The following ITGA9 variants were observed in gnomAD, a reference collection of about 807,000 sequenced individuals.
The protein encoded by ITGA9 is integrin subunit alpha 9.
A neutral mutation model predicts 127.8 loss-of-function variants in ITGA9; 56 were observed. The observed-to-expected ratio is 0.44, with a 90% CI of 0.35 to 0.55. The LOEUF (loss-of-function observed/expected upper bound fraction) is 0.55. Ranked by LOEUF, ITGA9 falls within the 20% of genes least tolerant of loss-of-function variation. ITGA9 has a pLI of 0.00. For missense variants in ITGA9, 1,196 were observed against 1,347.1 expected (o/e 0.89, Z 1.76); for synonymous variants, 508 against 514.5 (o/e 0.99, Z 0.17).
chr3:37,503,343 A>G, intron 6 of ITGA9, 36 bp downstream of exon 6: 1 of 1,610,862 alleles, frequency 6.2e-7, no homozygotes, highest in Non-Finnish European at 8.5e-7. Flanking sequence ...AAGAAAGGGG[A>G]AATGGGAGTG....
At chr3:37,575,072 A>G (rs1286111423) in intron 15 of ITGA9, among the ~76,000 whole-genome samples, 1 of 152,158 alleles carries the variant, frequency 6.6e-6, no homozygotes, top group Non-Finnish European at 1.5e-5. Context: ...GTGTTTGATG[A>G]TAAAATGGTG....
In ITGA9 at chr3:37,525,909, CG is replaced by C. The variant is rs1699088149; in HGVS notation, c.1328-116del. On this transcript the variant is annotated intron_variant, in intron 12 of 27. Transcript: ENST00000264741. ...ATCATTGTATAGCCCAGACAGTGGT[CG>C]TCTGAGGGCTCTCCGGCCTCAAGGC... 6.1e-6 allele frequency: 5 copies of C among 814,960 alleles called. No individual in the cohort carries two copies. In the South Asian group the frequency reaches 6.8e-5, roughly 11 times the overall value. 50.5% of individuals were successfully genotyped at this position (814,960 alleles called of 1,614,324 possible). A position where few individuals can be genotyped will look rare whatever the true frequency, so the allele number is the denominator to read the frequency against.
In ITGA9 at chr3:37,744,001, G is replaced by A; in HGVS notation, c.2400G>A (p.Glu800=). The A allele has an allele frequency of 6.2e-7, 1 of 1,614,078 alleles. No individual in the cohort carries two copies. The highest frequency in any genetic ancestry group is 8.5e-7 in the Non-Finnish European group (1 of 1,179,922). ...ACTTCATTCAGCTGGATGACCTGGA[G>A]TGTCACTTTCAGCCCATCAATATCA... is the stretch of plus-strand genomic sequence containing the variant. ...AANFIQLDDL[E]CHFQPINITL... Residue 800 remains glutamate (E), a synonymous_variant, in exon 22 of 28, where the codon GAG becomes GAA. Transcript: ENST00000264741.
At chr3:37,474,693 C>T (rs2162683) in intron 3 of ITGA9, among the ~76,000 whole-genome samples, 41,479 of 152,104 alleles carry the variant, frequency 0.27, 6,160 homozygotes, top group Middle Eastern at 0.35. Flanking sequence ...AGAAGCTGTA[C>T]GAAGATTTTT....
At chr3:37,654,161 A>G (rs2125647686) in intron 17 of ITGA9, among the ~76,000 whole-genome samples, 1 of 151,108 alleles carries the variant, frequency 6.6e-6, no homozygotes, top group East Asian at 2.0e-4. Context: ...TCATCCTATT[A>G]TTAAATAAAG....
intron 23 of ITGA9, among the ~76,000 whole-genome samples, chr3:37,764,410 C>A (rs986965802): frequency 1.5e-5 from 2 of 137,308 alleles, no homozygotes; most frequent in African/African-American, 5.4e-5. Flanking sequence ...TCTACACCAA[C>A]TTCTAGTCCT....
chr3:37,629,291 A>T lies in ITGA9; in HGVS notation c.1794A>T (p.Pro598=), dbSNP rs547531065. The T allele has an allele frequency of 1.2e-6, 2 of 1,614,140 alleles. No homozygotes were observed. Among genetic ancestry groups the T allele is most frequent in the East Asian group, 2.2e-5 (1 of 44,882 alleles). Residue 598 remains proline, a synonymous_variant, in exon 16 of 28, where the codon CCA becomes CCT. Transcript: ENST00000264741. The surrounding 1 kb of genome is among the most constrained non-coding windows in gnomAD (Gnocchi z 4.5). ...EEERELPPLT[P]VLRWKKGQKI... ...AGAGGGAACTGCCGCCTCTGACACC[A>T]GTTCTCCGCTGGAAAAAGGGACAAA...
intron 23 of ITGA9, among the ~76,000 whole-genome samples, chr3:37,766,528 A>G (rs1044885179): frequency 2.0e-5 from 3 of 152,196 alleles, no homozygotes; most frequent in Non-Finnish European, 4.4e-5. Flanking sequence ...ACCCTTTGAT[A>G]AAAGGGAACT....
chr3:37,752,046 C>A (rs17036895), intron 23 of ITGA9, among the ~76,000 whole-genome samples: 6,432 of 152,258 alleles, frequency 0.042, 385 homozygotes, highest in African/African-American at 0.13. Context: ...AGCATAAAAG[C>A]GAGTGCATGA....
chr3:37,763,921 A>G lies in ITGA9; in HGVS notation c.2541+13352A>G, dbSNP rs111242297. On this transcript the variant is annotated intron_variant, in intron 23 of 27. Transcript: ENST00000264741. ...TGAGAGGTTCCTTCTAACAAGGATT[A>G]GAAACCCCTCTCATGTAGGAAGAGG... is the stretch of plus-strand genomic sequence containing the variant. Among the ~76,000 whole-genome samples the G allele has an allele frequency of 2.7e-3, 412 of 152,334 alleles. 3 individuals carry two copies. Among genetic ancestry groups the G allele is most frequent in the African/African-American group, 9.3e-3 (388 of 41,562 alleles).
intron 1 of ITGA9, among the ~76,000 whole-genome samples, chr3:37,459,685 G>A (rs773088394): frequency 5.5e-4 from 83 of 152,184 alleles, no homozygotes; most frequent in South Asian, 4.1e-4. Flanking sequence ...AAGTTACATG[G>A]CTAATGAGTT....
intron 15 of ITGA9, among the ~76,000 whole-genome samples, chr3:37,573,770 CG>C (rs746620527): frequency 2.7e-4 from 41 of 152,086 alleles, no homozygotes; most frequent in Non-Finnish European, 4.6e-4. Context: ...GTGCCAGGTA[CG>C]GGGAGCCACC....
At chr3:37,655,637 G>T (rs1230330838) in intron 17 of ITGA9, among the ~76,000 whole-genome samples, 1 of 152,128 alleles carries the variant, frequency 6.6e-6, no homozygotes, top group Non-Finnish European at 1.5e-5. Flanking sequence ...CTCCCATTCT[G>T]TAGGTTGCCT....
intron 15 of ITGA9, among the ~76,000 whole-genome samples, chr3:37,581,279 T>C (rs945997399): frequency 2.0e-5 from 3 of 152,190 alleles, no homozygotes; most frequent in African/African-American, 7.2e-5. Flanking sequence ...GCAGTGATTC[T>C]TGAGAACTTT....
intron 4 of ITGA9, among the ~76,000 whole-genome samples, chr3:37,493,478 T>G (rs995615891): frequency 9.2e-5 from 14 of 152,140 alleles, no homozygotes; most frequent in South Asian, 4.1e-4. Context: ...TTAATTTGAG[T>G]CACTGTGAAC....
chr3:37,460,671 G>A (rs970372768), intron 1 of ITGA9, among the ~76,000 whole-genome samples: 9 of 149,074 alleles, frequency 6.0e-5, no homozygotes, highest in Admixed American at 3.4e-4. Context: ...CTCACTGCGA[G>A]CTCCACCTTC....
intron 15 of ITGA9, among the ~76,000 whole-genome samples, chr3:37,547,736 G>A (rs1699340933): frequency 6.6e-6 from 1 of 152,130 alleles, no homozygotes; most frequent in African/African-American, 2.4e-5. Context: ...CAGTTGCAGG[G>A]TTTGGCAAAA....
At chr3:37,787,208 G>A (rs1166700154) in intron 26 of ITGA9, among the ~76,000 whole-genome samples, 1 of 152,080 alleles carries the variant, frequency 6.6e-6, no homozygotes, top group East Asian at 1.9e-4. Flanking sequence ...AGAATGTTCT[G>A]GTAAACCACA....
At chr3:37,557,361 G>A (rs1216960162) in intron 15 of ITGA9, among the ~76,000 whole-genome samples, 4 of 152,202 alleles carry the variant, frequency 2.6e-5, no homozygotes, top group African/African-American at 9.7e-5. Flanking sequence ...TTTGTTGATT[G>A]TAGTGAGTAC....
Sources: allele counts gnomAD v4.1 joint callset (sites outside exome capture counted in the v4.1 genomes callset), GRCh38; gene constraint gnomAD v4.1.1; non-coding constraint Gnocchi (gnomAD v3.1); transcripts MANE v1.5; gene names NCBI Gene and HGNC (gene_info 2026-07-23, HGNC 2026-07-21).